Variants in TCF24 observed in about 807,000 individuals in gnomAD.
The protein encoded by TCF24 is transcription factor 24.
Under a neutral mutation model 9.3 loss-of-function variants are expected in TCF24, and 5 were observed. That is an observed-to-expected ratio of 0.54 (90% CI 0.28 to 1.13). The LOEUF (loss-of-function observed/expected upper bound fraction) is 1.13, where lower values mean the gene tolerates loss of function less well. Ranked by LOEUF, TCF24 falls within the 50% of genes most tolerant of loss-of-function variation. TCF24 has a pLI of 0.09. For synonymous variants in TCF24, 110 were observed against 115.8 expected (o/e 0.95, Z 0.32); for missense variants, 220 against 236.1 (o/e 0.93, Z 0.45).
At chr8:66,954,405 C>T (rs1282411090) in intron 3 of TCF24, among the ~76,000 whole-genome samples, 177 of 152,192 alleles carry the variant, frequency 1.2e-3, no homozygotes, top group African/African-American at 3.9e-3. Flanking sequence ...TTAGGCTGCT[C>T]GGGGGTCAGG....
Position 66,961,632 on chromosome 8 carries a change from G to C in TCF24, c.134C>G (p.Ser45Cys). 7.9e-7 allele frequency: 1 copy of C among 1,263,982 alleles called. No homozygotes were observed. Among genetic ancestry groups the C allele is most frequent in the Non-Finnish European group, 9.9e-7 (1 of 1,007,052 alleles). The allele number at this position is 1,263,982 out of a possible 1,614,324, so 78.3% of individuals were successfully genotyped here. A position where few individuals can be genotyped will look rare whatever the true frequency, so the allele number is the denominator to read the frequency against. Residue 45 changes from serine (S) to cysteine (C), a missense_variant, in exon 3 of 4, where the codon TCC becomes TGC. Transcript: ENST00000563496. Reference protein sequence around the residue: ...GPAGPGGGSRSGSGRPAAANA... With the variant: ...GPAGPGGGSRCGSGRPAAANA... Reference sequence around the variant, plus strand: ...CGCCGCCGCCGGCCGCCCGCTCCCGGAACGCGAGCCGCCCCCAGGGCCCGC... The same window carrying C: ...CGCCGCCGCCGGCCGCCCGCTCCCGCAACGCGAGCCGCCCCCAGGGCCCGC...
At chr8:66,951,237 A>G (rs986871875) in intron 3 of TCF24, among the ~76,000 whole-genome samples, 1 of 143,164 alleles carries the variant, frequency 7.0e-6, no homozygotes, top group Non-Finnish European at 1.5e-5. Flanking sequence ...TTTGTCATAG[A>G]TAGCTCTTAT....
intron 3 of TCF24, among the ~76,000 whole-genome samples, chr8:66,957,103 C>T (rs1255134858): frequency 8.6e-6 from 1 of 115,630 alleles, no homozygotes; most frequent in East Asian, 2.5e-4. Flanking sequence ...CAGAGCAAGA[C>T]TCCGTCTCAA....
chr8:66,953,310 G>A (rs1350016730), intron 3 of TCF24, among the ~76,000 whole-genome samples: 4 of 150,582 alleles, frequency 2.7e-5, no homozygotes, highest in Non-Finnish European at 6.0e-5. Flanking sequence ...AAATCTCTCA[G>A]CATTTGCTTG....
At chr8:66,948,252 C>A in intron 3 of TCF24, 88 bp from the exon 4 acceptor site, 1 of 815,884 alleles carries the variant, frequency 1.2e-6, no homozygotes, top group South Asian at 2.6e-5. Flanking sequence ...TTGTAAATAG[C>A]CCAATGCAAA....
intron 3 of TCF24, among the ~76,000 whole-genome samples, chr8:66,949,218 A>G (rs1039715105): frequency 6.6e-6 from 1 of 151,896 alleles, no homozygotes; most frequent in Non-Finnish European, 1.5e-5. Context: ...CTCGTCATCT[A>G]GCATTAGGTA....
intron 3 of TCF24, among the ~76,000 whole-genome samples, chr8:66,955,368 T>G (rs765352709): frequency 6.0e-5 from 9 of 150,262 alleles, no homozygotes; most frequent in Non-Finnish European, 1.2e-4. Flanking sequence ...TTTTTTTTAC[T>G]ACAGAGAGGG....
In TCF24 at chr8:66,947,916, A is replaced by T; in HGVS notation, c.*135T>A. On this transcript the variant is annotated 3_prime_UTR_variant, in exon 4 of 4. Coordinates refer to ENST00000563496, the MANE Select transcript of TCF24 (RefSeq NM_001193502.2). Reference sequence around the variant, plus strand: ...TTTCATTCCACATTTAGACAGATAAACCTGAACATCCAACTATGGGTTCAC... The same window carrying T: ...TTTCATTCCACATTTAGACAGATAATCCTGAACATCCAACTATGGGTTCAC... 1.7e-6 allele frequency: 1 copy of T among 598,700 alleles called. No homozygotes were observed. The highest frequency in any genetic ancestry group is 2.8e-6 in the Non-Finnish European group (1 of 355,808). The allele number at this position is 598,700 out of a possible 1,614,324, so 37.1% of individuals were successfully genotyped here. A position where few individuals can be genotyped will look rare whatever the true frequency, so the allele number is the denominator to read the frequency against.
At chr8:66,948,309 A>C (rs759019976) in intron 3 of TCF24, 145 bp from the exon 4 acceptor site, 73 of 540,644 alleles carry the variant, frequency 1.4e-4, no homozygotes, top group Non-Finnish European at 2.0e-4. Flanking sequence ...AAGTATAAGA[A>C]ACAACAAGAA....
intron 3 of TCF24, among the ~76,000 whole-genome samples, chr8:66,951,196 T>G (rs1814054274): frequency 7.7e-6 from 1 of 130,470 alleles, no homozygotes; most frequent in Non-Finnish European, 1.6e-5. Flanking sequence ...GCTTCCAGTT[T>G]TTGCCCATTC....
intron 3 of TCF24, among the ~76,000 whole-genome samples, chr8:66,948,853 G>C (rs1291239813): frequency 1.3e-5 from 2 of 152,080 alleles, no homozygotes; most frequent in African/African-American, 4.8e-5. Flanking sequence ...ATACCACCAA[G>C]CCTGGCTAAT....
At chr8:66,959,587 TTCTTTG>T (rs1224355347) in intron 3 of TCF24, among the ~76,000 whole-genome samples, 1 of 152,228 alleles carries the variant, frequency 6.6e-6, no homozygotes, top group Non-Finnish European at 1.5e-5. Flanking sequence ...TGTTATTTGT[TTCTTTG>T]TCTTTGTCTC....
chr8:66,955,382 A>G (rs893399312), intron 3 of TCF24, among the ~76,000 whole-genome samples: 4 of 139,364 alleles, frequency 2.9e-5, no homozygotes, highest in Non-Finnish European at 6.2e-5. Context: ...GAGAGGGACT[A>G]AAAAAAAAAA....
intron 3 of TCF24, among the ~76,000 whole-genome samples, chr8:66,957,788 T>G (rs1370324063): frequency 6.7e-6 from 1 of 150,372 alleles, no homozygotes; most frequent in Non-Finnish European, 1.5e-5. Flanking sequence ...AAATTGAGAA[T>G]TATATGAACT....
chr8:66,959,886 G>A (rs772426715), intron 3 of TCF24, among the ~76,000 whole-genome samples: 3 of 152,220 alleles, frequency 2.0e-5, no homozygotes, highest in South Asian at 4.1e-4. Context: ...GCAAAAAGAC[G>A]CTTGCTATGC....
intron 3 of TCF24, among the ~76,000 whole-genome samples, chr8:66,956,309 T>A (rs1333339491): frequency 1.3e-5 from 2 of 152,132 alleles, no homozygotes; most frequent in Non-Finnish European, 2.9e-5. Context: ...TCTAGGTGTA[T>A]CATTGTCAGT....
At chr8:66,956,671 T>A (rs1203980849) in intron 3 of TCF24, among the ~76,000 whole-genome samples, 2 of 152,206 alleles carry the variant, frequency 1.3e-5, no homozygotes, top group Non-Finnish European at 2.9e-5. Flanking sequence ...CAAACTAATA[T>A]GTTTTAGAAA....
intron 3 of TCF24, among the ~76,000 whole-genome samples, chr8:66,950,047 T>G (rs1306963599): frequency 1.6e-4 from 20 of 125,720 alleles, no homozygotes; most frequent in African/African-American, 5.8e-4. Flanking sequence ...TTTCTCCCAT[T>G]TTGTAGGTTG....
chr8:66,950,423 C>T (rs1022998271), intron 3 of TCF24, among the ~76,000 whole-genome samples: 8 of 152,066 alleles, frequency 5.3e-5, no homozygotes, highest in Non-Finnish European at 7.4e-5. Flanking sequence ...AGATATGCGG[C>T]GTTATTTCTG....
Sources: gnomAD v4.1 joint callset for allele counts (sites outside exome capture counted in the v4.1 genomes callset) on GRCh38, gnomAD v4.1.1 for gene constraint, MANE v1.5 for transcripts, NCBI Gene and HGNC (gene_info 2026-07-23, HGNC 2026-07-21) for gene names.